ATXN7: variants seen among roughly 807,000 people sequenced by gnomAD.
ATXN7 encodes the protein ataxin 7, also known as ataxin-7.
ATXN7 carries 12 observed loss-of-function variants against 70.5 expected under a neutral mutation model. That is an observed-to-expected ratio of 0.17 (90% CI 0.11 to 0.28). The LOEUF (loss-of-function observed/expected upper bound fraction) is 0.28, where lower values mean the gene tolerates loss of function less well. Among genes scored for constraint, ATXN7 ranks in the 10% least tolerant of loss-of-function variants. ATXN7 has a pLI of 1.00. For missense variants in ATXN7, 1,256 were observed against 1,131.7 expected, an observed-to-expected ratio of 1.11 and a Z score of -1.58; for synonymous variants, 498 against 448.7, an observed-to-expected ratio of 1.11 and a Z score of -1.39.
At chr3:63,910,934 A>T (rs1559628089) in intron 2 of ATXN7, among the ~76,000 whole-genome samples, 1 of 151,934 alleles carries the variant, frequency 6.6e-6, no homozygotes, top group African/African-American at 2.4e-5. Flanking sequence ...TTGCAGTGAC[A>T]TTTCTTTATT....
In ATXN7 at chr3:63,872,476, T is replaced by G. The variant is rs185904453; in HGVS notation, c.-111+8318T>G. The stretch of plus-strand genomic sequence containing the variant: ...CACATAATCTCATCTTCTAGCAGCC[T>G]AGATCAAATTTCCTCAGGTGGAGGC... On this transcript the variant is annotated intron_variant, in intron 1 of 12. Transcript: ENST00000674280. Among the ~76,000 whole-genome samples the G allele has an allele frequency of 2.0e-3, 311 of 152,334 alleles. 1 individual carries two copies. Among genetic ancestry groups the G allele is most frequent in the Middle Eastern group, 3.4e-3 (1 of 294 alleles).
chr3:63,986,700 TAAA>T, intron 8 of ATXN7, among the ~76,000 whole-genome samples: 1 of 152,342 alleles, frequency 6.6e-6, no homozygotes, highest in East Asian at 1.9e-4. Flanking sequence ...AGTAAAAATG[TAAA>T]AAGCTAAACA....
chr3:63,927,050 T>C (rs1255818581), intron 4 of ATXN7, among the ~76,000 whole-genome samples: 1 of 152,216 alleles, frequency 6.6e-6, no homozygotes, highest in Admixed American at 6.5e-5. Context: ...GCATTTTCTT[T>C]ATGCAGTCTA....
chr3:63,929,056 G>A (rs1266649758), intron 4 of ATXN7, among the ~76,000 whole-genome samples: 1 of 152,052 alleles, frequency 6.6e-6, no homozygotes, highest in Admixed American at 6.5e-5. Flanking sequence ...GTGGAGAAAT[G>A]GTTAACTCTG....
intron 5 of ATXN7, among the ~76,000 whole-genome samples, chr3:63,965,125 A>G (rs989086611): frequency 1.3e-5 from 2 of 152,204 alleles, no homozygotes; most frequent in Admixed American, 6.5e-5. Flanking sequence ...ACTAATTTCT[A>G]TAATAGAAAC....
rs969512631 is a variant in ATXN7, at chr3:63,898,485, C to T, written c.-24C>T. On this transcript the variant is annotated 5_prime_UTR_variant, in exon 2 of 13. Coordinates refer to ENST00000674280, the MANE Select transcript of ATXN7 (RefSeq NM_001377405.1). ...AATTGATCAGGATTTTTGGCCTACC[C>T]TCCAAAGAAAAGGTAACTGGCTGTT... is the stretch of plus-strand genomic sequence containing the variant. 9 of 152,112 alleles carry T rather than the reference C, an allele frequency of 5.9e-5. No homozygotes were observed. The highest frequency in any genetic ancestry group is 4.4e-5 in the Non-Finnish European group (3 of 68,024). 9.4% of individuals were successfully genotyped at this position (152,112 alleles called of 1,614,324 possible).
chr3:63,892,775 A>G (rs1321079353), intron 1 of ATXN7, among the ~76,000 whole-genome samples: 1 of 152,198 alleles, frequency 6.6e-6, no homozygotes, highest in East Asian at 1.9e-4. Flanking sequence ...TCAGGCATTT[A>G]TTAACACTTA....
At chr3:63,979,726 C>T (rs1559654639) in intron 5 of ATXN7, among the ~76,000 whole-genome samples, 189 bp from the exon 6 acceptor site, 2 of 152,232 alleles carry the variant, frequency 1.3e-5, no homozygotes, top group Admixed American at 1.3e-4. Context: ...GAGAAGGACC[C>T]GTTCCTAGAA....
At chr3:63,954,345 G>C (rs566915202) in intron 5 of ATXN7, among the ~76,000 whole-genome samples, 4 of 152,316 alleles carry the variant, frequency 2.6e-5, no homozygotes, top group Admixed American at 2.6e-4. Context: ...GCAAGCACAG[G>C]AGCAGGAAAT....
rs769361262 is a variant in ATXN7 at position 64,003,249 on chromosome 3, A to G, written c.*3782A>G. The G allele has an allele frequency of 4.2e-5, 6 of 142,154 alleles. No homozygotes were observed. Among genetic ancestry groups the G allele is most frequent in the Non-Finnish European group, 6.0e-5 (4 of 66,692 alleles). The allele number at this position is 142,154 out of a possible 1,614,324, so 8.8% of individuals were successfully genotyped here. Reference sequence around the variant, plus strand: ...TTTTTTGAGCTTGGTTATAAAAGCAATCTCCTGTGTTAAAAACGTGTGAAT... The same window carrying G: ...TTTTTTGAGCTTGGTTATAAAAGCAGTCTCCTGTGTTAAAAACGTGTGAAT... On this transcript the variant is annotated 3_prime_UTR_variant, in exon 13 of 13. Transcript: ENST00000674280.
In ATXN7 at chr3:63,912,694, G is replaced by GCAGCAGCCC. The variant is rs1704085274; in HGVS notation, c.103_104insCCCAGCAGC (p.Gln34_Gln35insProGlnGln). ...CGGCCGCGGCCGCCCGGCAGCAGCA[G>GCAGCAGCCC]CAGCAGCAGCAGCAGCAGCAGCCGC... On this transcript the variant is annotated inframe_insertion, in exon 3 of 13. Transcript: ENST00000674280. 1.7e-6 allele frequency: 2 copies of GCAGCAGCCC among 1,147,934 alleles called. No individual in the cohort carries two copies. The highest frequency in any genetic ancestry group is 2.2e-6 in the Non-Finnish European group (2 of 929,022). 71.1% of individuals were successfully genotyped at this position (1,147,934 alleles called of 1,614,324 possible).
At chr3:63,947,632 A>T (rs1268780900) in intron 4 of ATXN7, among the ~76,000 whole-genome samples, 2 of 152,152 alleles carry the variant, frequency 1.3e-5, no homozygotes, top group Non-Finnish European at 2.9e-5. Flanking sequence ...AACTTGCCCA[A>T]GGTCACGTTT....
chr3:63,974,159 G>A (rs997834703), intron 5 of ATXN7, among the ~76,000 whole-genome samples: 2 of 152,114 alleles, frequency 1.3e-5, no homozygotes, highest in Non-Finnish European at 2.9e-5. Context: ...GACCCTCCAA[G>A]CAGGGAATTG....
At chr3:63,904,394 G>C (rs1271916729) in intron 2 of ATXN7, 1 of 151,736 alleles carries the variant, frequency 6.6e-6, no homozygotes, top group African/African-American at 2.4e-5. Context: ...CCAGGTTCAA[G>C]CGATTCTCCT....
At chr3:63,998,183 G>A (rs1256071718) in intron 12 of ATXN7, 1 of 403,058 alleles carries the variant, frequency 2.5e-6, no homozygotes, top group Non-Finnish European at 2.9e-6. Context: ...ATGCCCACAA[G>A]TAACAAAAAG....
intron 1 of ATXN7, among the ~76,000 whole-genome samples, chr3:63,889,117 A>G (rs1011282205): frequency 2.0e-5 from 3 of 152,204 alleles, no homozygotes; most frequent in South Asian, 2.1e-4. Flanking sequence ...AACAGCAGCT[A>G]AAGTCGAATA....
At chr3:63,907,534 A>G (rs1703880023) in intron 2 of ATXN7, among the ~76,000 whole-genome samples, 1 of 138,106 alleles carries the variant, frequency 7.2e-6, no homozygotes, top group African/African-American at 2.8e-5. Flanking sequence ...ATCTCAGTTC[A>G]CTGCAGCCTC....
chr3:63,950,387 C>T lies in ATXN7; in HGVS notation c.395-1992C>T, dbSNP rs528806439. On this transcript the variant is annotated intron_variant, in intron 4 of 12. Transcript: ENST00000674280. ...GAACTGAGGGAAATCACAGAGACCA[C>T]CAGCAGCACATTGCAGAGACCTAAA... 3.1e-4 allele frequency among the ~76,000 whole-genome samples: 47 copies of T among 152,250 alleles called. 1 individual carries two copies. The South Asian group carries it at 7.3e-3, about 24-fold the overall frequency.
intron 1 of ATXN7, among the ~76,000 whole-genome samples, chr3:63,870,565 C>T (rs1423153931): frequency 6.6e-6 from 1 of 152,164 alleles, no homozygotes; most frequent in African/African-American, 2.4e-5. Flanking sequence ...ATGCATGATT[C>T]TGTCACCAAT....
Sources: allele counts gnomAD v4.1 joint callset (sites outside exome capture counted in the v4.1 genomes callset), GRCh38; gene constraint gnomAD v4.1.1; transcripts MANE v1.5; gene names NCBI Gene and HGNC (gene_info 2026-07-23, HGNC 2026-07-21).